The following CCDC91 variants were observed in gnomAD, a reference collection of about 807,000 sequenced individuals.
CCDC91 encodes coiled-coil domain-containing protein 91.
In CCDC91, 48 loss-of-function variants were observed where a neutral mutation model predicts 63.2. That is an observed-to-expected ratio of 0.76 (90% CI 0.60 to 0.97). The LOEUF (loss-of-function observed/expected upper bound fraction) is 0.97. Among genes scored for constraint, CCDC91 ranks in the 50% least tolerant of loss-of-function variants. The probability of loss-of-function intolerance (pLI) is 0.00; values close to 1 mark genes in which losing one functional copy is unlikely to be tolerated. For synonymous variants in CCDC91, 167 were observed against 165.8 expected, an observed-to-expected ratio of 1.01 and a Z score of -0.06; for missense variants, 500 against 494.6, an observed-to-expected ratio of 1.01 and a Z score of -0.10.
At chr12:28,381,282 C>T (rs2139079213) in intron 7 of CCDC91, among the ~76,000 whole-genome samples, 1 of 152,048 alleles carries the variant, frequency 6.6e-6, no homozygotes, top group African/African-American at 2.4e-5. Flanking sequence ...TTAATCCCTA[C>T]CTTCTAGGTA....
At chr12:28,367,020 C>T (rs1161743303) in intron 7 of CCDC91, among the ~76,000 whole-genome samples, 1 of 152,028 alleles carries the variant, frequency 6.6e-6, no homozygotes, top group Non-Finnish European at 1.5e-5. Flanking sequence ...AAGAAATCTC[C>T]TGAAACATGA....
intron 1 of CCDC91, among the ~76,000 whole-genome samples, chr12:28,251,628 GCCT>G (rs1946123125): frequency 6.6e-6 from 1 of 151,940 alleles, no homozygotes; most frequent in South Asian, 2.1e-4. Context: ...TGCTTTTCCA[GCCT>G]CCTCATCTCC....
At chr12:28,415,510 G>GT (rs2139802046) in intron 8 of CCDC91, among the ~76,000 whole-genome samples, 1 of 152,198 alleles carries the variant, frequency 6.6e-6, no homozygotes, top group Admixed American at 6.5e-5. Flanking sequence ...GTGAGCCACT[G>GT]TGCCCGGCTG....
intron 3 of CCDC91, among the ~76,000 whole-genome samples, chr12:28,284,699 C>T (rs1948809054): frequency 6.6e-6 from 1 of 151,756 alleles, no homozygotes; most frequent in Admixed American, 6.6e-5. Flanking sequence ...GCCAGTCCTT[C>T]TCCATCTCCT....
chr12:28,487,604 A>G (rs1951793087), intron 12 of CCDC91, among the ~76,000 whole-genome samples: 2 of 151,684 alleles, frequency 1.3e-5, no homozygotes, highest in South Asian at 2.1e-4. Flanking sequence ...TATTTACATC[A>G]GAGAACACAT....
At chr12:28,336,902 A>T (rs1188333401) in intron 6 of CCDC91, among the ~76,000 whole-genome samples, 15 of 150,838 alleles carry the variant, frequency 9.9e-5, no homozygotes, top group African/African-American at 3.6e-4. Context: ...ATTTATATGG[A>T]TTATTACATG....
chr12:28,424,621 CTTG>C (rs1399473023), intron 8 of CCDC91, among the ~76,000 whole-genome samples: 1 of 151,838 alleles, frequency 6.6e-6, no homozygotes, highest in African/African-American at 2.4e-5. Context: ...ATCTGTTTTT[CTTG>C]TTAATTTTGA....
chr12:28,241,464 A>C (rs532492518), intron 1 of CCDC91, among the ~76,000 whole-genome samples: 101 of 152,230 alleles, frequency 6.6e-4, no homozygotes, highest in Non-Finnish European at 1.2e-3. Flanking sequence ...TTGTATGAAG[A>C]ATAGTTCTAG....
chr12:28,527,194 A>G (rs1941336397), intron 12 of CCDC91, among the ~76,000 whole-genome samples: 1 of 152,038 alleles, frequency 6.6e-6, no homozygotes, highest in Non-Finnish European at 1.5e-5. Context: ...GTTTTTTCCC[A>G]TTACCAGGGT....
At position 28,362,443 on chromosome 12, in the gene CCDC91, A is replaced by G. The variant is rs1389775224; in HGVS notation, c.582A>G (p.Lys194=). The G allele has an allele frequency of 1.3e-6, 2 of 1,576,610 alleles. No individual in the cohort carries two copies. Among genetic ancestry groups the G allele is most frequent in the African/African-American group, 2.7e-5 (2 of 73,526 alleles). ...TAGTTTCTTTTTTCTTTCAGGAAAA[A>G]CATAAACAAGAATTGGAAGACATGA... ...FQDRYKELQE[K]HKQELEDMRK... The change falls in exon 7 of 13, where the codon AAA becomes AAG. Residue 194 remains lysine, a synonymous_variant. Coordinates refer to ENST00000536442, the MANE Select transcript of CCDC91 (RefSeq NM_018318.5).
chr12:28,250,971 TGTGTG>T lies in CCDC91; in HGVS notation c.-14-6230_-14-6226del, dbSNP rs1592107792. ...AGGTTTGAGTGTGTGTGTGTGTGTG[TGTGTG>T]TGTGTGTGTGTGTATTTCCTTTGTT... On this transcript the variant is annotated intron_variant, in intron 1 of 12. Transcript: ENST00000536442. 1.4e-4 allele frequency among the ~76,000 whole-genome samples: 22 copies of T among 151,872 alleles called. No individual in the cohort carries two copies. In the East Asian group the frequency reaches 4.3e-3, roughly 29 times the overall value.
intron 8 of CCDC91, among the ~76,000 whole-genome samples, chr12:28,443,056 T>C (rs2140244169): frequency 6.6e-6 from 1 of 152,138 alleles, no homozygotes; most frequent in Non-Finnish European, 1.5e-5. Flanking sequence ...GTTTCTAGTA[T>C]CCTGTATCTG....
intron 1 of CCDC91, among the ~76,000 whole-genome samples, chr12:28,212,521 C>CCCCTAAGTTAGGTTTTCAGTCTTGT (rs1943298760): frequency 6.6e-6 from 1 of 152,174 alleles, no homozygotes; most frequent in Admixed American, 6.5e-5. Context: ...CAGGCGCATA[C>CCCCTAAGTTAGGTTTTCAGTCTTGT]CCCTAAGTTA....
chr12:28,191,694 T>G (rs1941265041), intron 1 of CCDC91, among the ~76,000 whole-genome samples: 1 of 151,660 alleles, frequency 6.6e-6, no homozygotes, highest in Admixed American at 6.6e-5. Flanking sequence ...GCTGTTGTGT[T>G]CCCTGCTGTC....
chr12:28,299,751 C>G (rs938375704), intron 3 of CCDC91, among the ~76,000 whole-genome samples: 1 of 151,524 alleles, frequency 6.6e-6, no homozygotes, highest in African/African-American at 2.4e-5. Flanking sequence ...GTATCTTTGT[C>G]TTTTCATATA....
At chr12:28,435,303 G>A (rs1948845469) in intron 8 of CCDC91, among the ~76,000 whole-genome samples, 3 of 149,562 alleles carry the variant, frequency 2.0e-5, no homozygotes, top group South Asian at 4.2e-4. Context: ...GATAAATTGC[G>A]TTTTTTTTTT....
intron 11 of CCDC91, among the ~76,000 whole-genome samples, chr12:28,453,305 ACTT>A (rs1949904579): frequency 6.6e-6 from 1 of 152,004 alleles, no homozygotes; most frequent in African/African-American, 2.4e-5. Flanking sequence ...AGGCAGAAGT[ACTT>A]AAATAAATCT....
chr12:28,466,153 A>T (rs535585933), intron 11 of CCDC91, among the ~76,000 whole-genome samples: 2 of 152,272 alleles, frequency 1.3e-5, no homozygotes, highest in African/African-American at 4.8e-5. Flanking sequence ...GAGCTTGAAA[A>T]CAGGCTATAC....
intron 8 of CCDC91, among the ~76,000 whole-genome samples, chr12:28,418,285 C>T (rs775895499): frequency 7.2e-5 from 11 of 152,040 alleles, no homozygotes; most frequent in African/African-American, 1.2e-4. Flanking sequence ...TTACCAAAAA[C>T]GTAATTTGTA....
Sources: gnomAD v4.1 joint callset for allele counts (sites outside exome capture counted in the v4.1 genomes callset) on GRCh38, gnomAD v4.1.1 for gene constraint, MANE v1.5 for transcripts, NCBI Gene and HGNC (gene_info 2026-07-23, HGNC 2026-07-21) for gene names.